Variants in SEC14L1 observed in about 807,000 individuals in gnomAD.
SEC14L1 encodes the protein SEC14 like lipid binding 1, also known as SEC14-like protein 1.
SEC14L1 carries 48 observed loss-of-function variants against 85.3 expected under a neutral mutation model. The ratio of observed to expected loss-of-function variants is 0.56; its 90% CI spans 0.45 to 0.72. SEC14L1 has a LOEUF of 0.72. Among genes scored for constraint, SEC14L1 ranks in the 30% least tolerant of loss-of-function variants. The pLI is 0.00. For synonymous variants in SEC14L1, 391 were observed against 355.5 expected (o/e 1.10, Z -1.12); for missense variants, 682 against 921.4 (o/e 0.74, Z 3.36).
In SEC14L1 at chr17:77,216,227, CGT is replaced by C. The variant is rs1977073826; in HGVS notation, c.*2205_*2206del. ...GTAGGTAGGGCTAGTAGGTAGGGTT[CGT>C]AGGTAGGGTTCGTAGGTAGGGTTCG... On this transcript the variant is annotated 3_prime_UTR_variant, in exon 17 of 17. Transcript: ENST00000436233. The C allele has an allele frequency of 1.1e-6, 1 of 936,048 alleles. No individual in the cohort carries two copies. The highest frequency in any genetic ancestry group is 3.2e-5 in the African/African-American group (1 of 30,998). The allele number at this position is 936,048 out of a possible 1,614,324, so 58.0% of individuals were successfully genotyped here.
At chr17:77,197,788 A>G (rs1975891514) in intron 8 of SEC14L1, among the ~76,000 whole-genome samples, 2 of 152,140 alleles carry the variant, frequency 1.3e-5, no homozygotes, top group African/African-American at 4.8e-5. Context: ...TATTTTTAGT[A>G]GAGAACAGGG....
In SEC14L1 at chr17:77,211,541, C is replaced by T. The variant is rs183431315; in HGVS notation, c.1612-409C>T. 3.7e-4 allele frequency: 67 copies of T among 182,274 alleles called. No individual in the cohort carries two copies. The East Asian group carries it at 1.0e-2, about 27-fold the overall frequency. 11.3% of individuals were successfully genotyped at this position (182,274 alleles called of 1,614,324 possible). The stretch of plus-strand genomic sequence containing the variant: ...CTTCCCCCTTGCTGGGAACGCTGTC[C>T]TCAGGCTCCCCTGCCTGCTCTTTCT... On this transcript the variant is annotated intron_variant, in intron 14 of 16. Coordinates refer to ENST00000436233, the MANE Select transcript of SEC14L1 (RefSeq NM_001143998.2).
At chr17:77,136,278 T>C (rs1471181401), upstream of SEC14L1, among the ~76,000 whole-genome samples, 1 of 151,602 alleles carries the variant, frequency 6.6e-6, no homozygotes, top group African/African-American at 2.4e-5. Context: ...TTTTTCTCTC[T>C]CTCTTCCTTT....
intron 3 of SEC14L1, among the ~76,000 whole-genome samples, chr17:77,173,177 C>T (rs1006533208): frequency 9.2e-5 from 14 of 152,162 alleles, no homozygotes; most frequent in Non-Finnish European, 1.9e-4. Context: ...AGCATTTAGC[C>T]TCCTCTGAGG....
At chr17:77,209,069 T>G (rs917270643) in intron 13 of SEC14L1, among the ~76,000 whole-genome samples, 2 of 152,240 alleles carry the variant, frequency 1.3e-5, no homozygotes, top group African/African-American at 4.8e-5. Flanking sequence ...CTTTAGTAAC[T>G]GGGTGCAGTG....
At chr17:77,187,975 G>A (rs1004712358) in intron 3 of SEC14L1, among the ~76,000 whole-genome samples, 2 of 151,972 alleles carry the variant, frequency 1.3e-5, no homozygotes, top group African/African-American at 4.8e-5. Flanking sequence ...AAACTCCTGG[G>A]CTCAAGTGAT....
chr17:77,210,014 T>A (rs1976669168), intron 14 of SEC14L1: 1 of 152,412 alleles, frequency 6.6e-6, no homozygotes, highest in African/African-American at 2.4e-5. Flanking sequence ...GGCTAATTTT[T>A]GTATTTTTAG....
chr17:77,145,109 G>GTATGTA (rs1973234810), intron 3 of SEC14L1: 1 of 145,496 alleles, frequency 6.9e-6, no homozygotes, highest in Non-Finnish European at 1.5e-5. Context: ...ATGTGTGTGT[G>GTATGTA]TGTGTGTGTG....
Position 77,186,391 on chromosome 17 carries a change from C to T in SEC14L1, c.64-4412C>T, listed in dbSNP as rs565144404. 3.9e-4 allele frequency among the ~76,000 whole-genome samples: 59 copies of T among 152,380 alleles called. 1 individual carries two copies. Among genetic ancestry groups the T allele is most frequent in the Middle Eastern group, 3.4e-3 (1 of 294 alleles). ...GACCCTGGCACGCTTTGAGGCCCAG[C>T]CTGCATGCCTCCTCTCTCTCAAAGG... On this transcript the variant is annotated intron_variant, in intron 3 of 16. Coordinates refer to ENST00000436233, the MANE Select transcript of SEC14L1 (RefSeq NM_001143998.2).
intron 3 of SEC14L1, chr17:77,152,771 T>A (rs950432231): frequency 6.6e-6 from 1 of 152,204 alleles, no homozygotes; most frequent in East Asian, 1.9e-4. Context: ...TTCACGTTCA[T>A]GTTTTCTCAC....
At chr17:77,192,416 G>C (rs1434427108) in intron 5 of SEC14L1, among the ~76,000 whole-genome samples, 2 of 152,160 alleles carry the variant, frequency 1.3e-5, no homozygotes, top group Non-Finnish European at 2.9e-5. Context: ...AGTTCGCCCA[G>C]AGGAAGAGCC....
In SEC14L1 at chr17:77,214,232, A is replaced by G; in HGVS notation, c.*209A>G. ...GATCCTAACTTAACTCAATAGCCAT[A>G]GATTTTGTATACGTTGTGCACAAAA... On this transcript the variant is annotated 3_prime_UTR_variant, in exon 17 of 17. Coordinates refer to ENST00000436233, the MANE Select transcript of SEC14L1 (RefSeq NM_001143998.2). The G allele has an allele frequency of 7.2e-7, 1 of 1,382,902 alleles. No homozygotes were observed. The highest frequency in any genetic ancestry group is 2.7e-5 in the East Asian group (1 of 37,026). 85.7% of individuals were successfully genotyped at this position (1,382,902 alleles called of 1,614,324 possible).
Position 77,215,305 on chromosome 17 carries a change from C to T in SEC14L1, c.*1282C>T, listed in dbSNP as rs1344030660. ...AAAAGCAGGTTATTTGAGAATCTGT[C>T]CAGAAGTTGCATAGGGGATGGCCTC... On this transcript the variant is annotated 3_prime_UTR_variant, in exon 17 of 17. Transcript: ENST00000436233. 12 of 985,176 alleles carry T rather than the reference C, an allele frequency of 1.2e-5. No individual in the cohort carries two copies. In the African/African-American group the frequency reaches 1.4e-4, roughly 11 times the overall value. The allele number at this position is 985,176 out of a possible 1,614,324, so 61.0% of individuals were successfully genotyped here.
At chr17:77,147,919 C>T (rs1229323276) in intron 3 of SEC14L1, among the ~76,000 whole-genome samples, 2 of 151,966 alleles carry the variant, frequency 1.3e-5, no homozygotes, top group African/African-American at 4.8e-5. Context: ...TCCTGGCTTG[C>T]GGGGAGGAGA....
At chr17:77,172,209 C>G (rs979450953) in intron 3 of SEC14L1, among the ~76,000 whole-genome samples, 3 of 151,952 alleles carry the variant, frequency 2.0e-5, no homozygotes, top group Non-Finnish European at 4.4e-5. Context: ...TGGGTCCCAC[C>G]TCTAAATTTA....
In SEC14L1 at chr17:77,132,221, A is replaced by G. The variant is rs73998621; in HGVS notation, c.-135-10425A>G. ...TTCCTTTATTAGGCCTTTATTCTGC[A>G]TGGAATTTTTTTTTTTTTTTTTTTG... is the stretch of plus-strand genomic sequence containing the variant. On this transcript the variant is annotated intron_variant, in intron 3 of 19. Coordinates refer to the SEC14L1 transcript ENST00000392476. Among the ~76,000 whole-genome samples, 1,131 of 147,738 alleles carry G rather than the reference A, an allele frequency of 7.7e-3. 19 individuals carry two copies. Among genetic ancestry groups the G allele is most frequent in the African/African-American group, 0.028 (1,089 of 39,262 alleles).
chr17:77,143,322 A>G (rs907478377), intron 2 of SEC14L1, among the ~76,000 whole-genome samples: 1 of 151,992 alleles, frequency 6.6e-6, no homozygotes, highest in African/African-American at 2.4e-5. Flanking sequence ...AGAGGATTGG[A>G]CCCCTCTCAC....
chr17:77,127,195 T>C (rs954555865), intron 3 of SEC14L1, among the ~76,000 whole-genome samples: 12 of 151,936 alleles, frequency 7.9e-5, no homozygotes, highest in Non-Finnish European at 1.6e-4. Flanking sequence ...GTCCATGTGT[T>C]CTCATTGTTC....
At chr17:77,190,988 C>A (rs754558222) in intron 4 of SEC14L1, 36 bp downstream of exon 4, 3 of 1,606,850 alleles carry the variant, frequency 1.9e-6, no homozygotes, top group Non-Finnish European at 2.6e-6. Context: ...AGGGAAAGGG[C>A]GTCCTGGTGG....
Sources: allele counts gnomAD v4.1 joint callset (sites outside exome capture counted in the v4.1 genomes callset), GRCh38; gene constraint gnomAD v4.1.1; transcripts MANE v1.5; gene names NCBI Gene and HGNC (gene_info 2026-07-23, HGNC 2026-07-21).